The following PVT1 variants were observed in gnomAD, a reference collection of about 807,000 sequenced individuals.
PVT1 encodes Pvt1 oncogene.
intron 3 of PVT1, among the ~76,000 whole-genome samples, chr8:127,960,421 C>T (rs940061022): frequency 2.0e-5 from 3 of 152,078 alleles, no homozygotes; most frequent in Non-Finnish European, 4.4e-5. Flanking sequence ...GGGGACATTA[C>T]AGATAAGGCT....
At chr8:128,034,655 GAAGGGAGC>G (rs1813440753) in intron 4 of PVT1, among the ~76,000 whole-genome samples, 1 of 152,246 alleles carries the variant, frequency 6.6e-6, no homozygotes, top group African/African-American at 2.4e-5. Context: ...CCTTAGTTCA[GAAGGGAGC>G]TTGGGCTCCA....
rs556768360 is a variant in PVT1, at chr8:127,952,035, C to T, written n.783-37127C>T. Among the ~76,000 whole-genome samples the T allele has an allele frequency of 2.6e-5, 4 of 152,198 alleles. No homozygotes were observed. In the East Asian group the frequency reaches 5.8e-4, roughly 22 times the overall value. On this transcript the variant is annotated intron_variant and non_coding_transcript_variant, in intron 3 of 10. Transcript: ENST00000651587. ...TTTACCACATTGGCCAGGCTGCTCT[C>T]GAACTCCTGACCTCGTGATCTGCCT...
At chr8:127,972,129 G>A (rs1026376734) in intron 3 of PVT1, among the ~76,000 whole-genome samples, 1 of 152,244 alleles carries the variant, frequency 6.6e-6, no homozygotes, top group Non-Finnish European at 1.5e-5. Context: ...CTCCAGTGTT[G>A]GGATGGCAGC....
At chr8:127,957,773 G>A (rs566450000) in intron 3 of PVT1, among the ~76,000 whole-genome samples, 2 of 152,320 alleles carry the variant, frequency 1.3e-5, no homozygotes, top group South Asian at 2.1e-4. Context: ...CTTGTGCTGC[G>A]CAGCTGATAG....
At position 127,842,800 on chromosome 8, in the gene PVT1, A is replaced by G. The variant is rs185032802; in HGVS notation, n.372+46729A>G. On this transcript the variant is annotated intron_variant and non_coding_transcript_variant, in intron 2 of 10. Coordinates refer to ENST00000651587, the Ensembl canonical transcript of PVT1. The stretch of plus-strand genomic sequence containing the variant: ...TTTCAAGAGATAGCATCTGAGTGAG[A>G]TGGGTCACCAAGTCACAGAGGCCCT... 7.9e-5 allele frequency among the ~76,000 whole-genome samples: 12 copies of G among 152,310 alleles called. No homozygotes were observed. The East Asian group carries it at 2.3e-3, about 29-fold the overall frequency.
At chr8:128,019,352 C>G (rs1293383064) in intron 4 of PVT1, among the ~76,000 whole-genome samples, 2 of 152,196 alleles carry the variant, frequency 1.3e-5, no homozygotes, top group East Asian at 3.8e-4. Context: ...CATCCCGCCC[C>G]TTCTTGAGAT....
chr8:127,899,908 A>G (rs1815737583), intron 3 of PVT1, among the ~76,000 whole-genome samples: 1 of 152,192 alleles, frequency 6.6e-6, no homozygotes. Context: ...TAGCTCTGAA[A>G]CACAAAAGAG....
At chr8:128,047,828 T>G (rs1813638274) in intron 4 of PVT1, among the ~76,000 whole-genome samples, 1 of 152,216 alleles carries the variant, frequency 6.6e-6, no homozygotes, top group African/African-American at 2.4e-5. Flanking sequence ...CATTCCACAA[T>G]GTATACATCA....
chr8:128,060,905 C>CTTTTTTT (rs35320355), intron 4 of PVT1, among the ~76,000 whole-genome samples: 2 of 123,630 alleles, frequency 1.6e-5, no homozygotes, highest in African/African-American at 3.1e-5. Context: ...TAGGCAACTA[C>CTTTTTTT]TTTTTTTTTT....
intron 3 of PVT1, among the ~76,000 whole-genome samples, chr8:127,970,289 GTTTTTTTTTT>G (rs68010926): frequency 2.0e-4 from 10 of 49,116 alleles, no homozygotes; most frequent in South Asian, 1.2e-3. Context: ...GCCATGATTT[GTTTTTTTTTT>G]TTTTTTTTTT....
chr8:127,875,451 A>G (rs1441655923), intron 2 of PVT1, among the ~76,000 whole-genome samples: 1 of 152,094 alleles, frequency 6.6e-6, no homozygotes, highest in Non-Finnish European at 1.5e-5. Context: ...ATCATTAGAC[A>G]TATTTCGAGC....
Position 127,995,493 on chromosome 8 carries a change from C to T in PVT1, n.912+6202C>T, listed in dbSNP as rs558500681. On this transcript the variant is annotated intron_variant and non_coding_transcript_variant, in intron 4 of 10. Transcript: ENST00000651587. Reference sequence around the variant, plus strand: ...ATAGGAATCTATCCATTTCTTTGTTCATTTCTTTAATTGTGCATTATATCA... The same window carrying T: ...ATAGGAATCTATCCATTTCTTTGTTTATTTCTTTAATTGTGCATTATATCA... 2.5e-4 allele frequency among the ~76,000 whole-genome samples: 38 copies of T among 152,286 alleles called. No individual in the cohort carries two copies. The East Asian group carries it at 6.0e-3, about 24-fold the overall frequency.
intron 2 of PVT1, among the ~76,000 whole-genome samples, chr8:127,883,062 T>TCA (rs10637867): frequency 0.027 from 3,910 of 147,536 alleles, 115 homozygotes; most frequent in African/African-American, 0.08. Context: ...TGCACACACA[T>TCA]CACACACACA....
At chr8:128,059,325 T>C (rs552485628) in intron 4 of PVT1, among the ~76,000 whole-genome samples, 6 of 152,070 alleles carry the variant, frequency 3.9e-5, no homozygotes, top group Non-Finnish European at 7.4e-5. Flanking sequence ...GGCAGGGCAG[T>C]TGACTATGTG....
At chr8:127,936,553 G>A (rs1816278256) in intron 3 of PVT1, among the ~76,000 whole-genome samples, 1 of 152,154 alleles carries the variant, frequency 6.6e-6, no homozygotes, top group Non-Finnish European at 1.5e-5. Flanking sequence ...AATCTGGTTT[G>A]TGGTTGGATC....
At chr8:128,056,820 G>A (rs935493303) in intron 4 of PVT1, among the ~76,000 whole-genome samples, 5 of 152,176 alleles carry the variant, frequency 3.3e-5, no homozygotes, top group South Asian at 2.1e-4. Flanking sequence ...CGTCATAGGC[G>A]CTTCTGATCG....
At chr8:127,943,188 C>G (rs1175493861) in intron 3 of PVT1, among the ~76,000 whole-genome samples, 2 of 152,190 alleles carry the variant, frequency 1.3e-5, no homozygotes, top group African/African-American at 2.4e-5. Context: ...ATGCCCTCCC[C>G]AGATCCTAAC....
At chr8:128,099,667 A>T (rs748172291) in intron 6 of PVT1, 1 of 152,234 alleles carries the variant, frequency 6.6e-6, no homozygotes, top group Non-Finnish European at 1.5e-5. Flanking sequence ...TAGCCAAATT[A>T]ATACCAGTAA....
intron 3 of PVT1, among the ~76,000 whole-genome samples, chr8:127,946,118 T>C (rs1176164743): frequency 2.6e-5 from 4 of 152,302 alleles, no homozygotes; most frequent in African/African-American, 9.6e-5. Flanking sequence ...TTGCTTCTGG[T>C]CTGTCAGGGT....
Sources: allele counts gnomAD v4.1 joint callset (sites outside exome capture counted in the v4.1 genomes callset), GRCh38; gene constraint gnomAD v4.1.1; transcripts MANE v1.5; gene names NCBI Gene and HGNC (gene_info 2026-07-23, HGNC 2026-07-21).